CDH12: variants seen among roughly 807,000 people sequenced by gnomAD.
CDH12 encodes the protein cadherin 12.
CDH12 carries 41 observed loss-of-function variants against 74.1 expected under a neutral mutation model. That is an observed-to-expected ratio of 0.55 (90% CI 0.43 to 0.72). The LOEUF is 0.72. Among genes scored for constraint, CDH12 ranks in the 30% least tolerant of loss-of-function variants. The pLI is 0.00. For synonymous variants in CDH12, 399 were observed against 355.0 expected, an observed-to-expected ratio of 1.12 and a Z score of -1.39; for missense variants, 945 against 977.2, an observed-to-expected ratio of 0.97 and a Z score of 0.44.
intron 8 of CDH12, among the ~76,000 whole-genome samples, chr5:21,835,803 A>G (rs1749498143): frequency 6.6e-6 from 1 of 151,874 alleles, no homozygotes; most frequent in East Asian, 1.9e-4. Flanking sequence ...TGCCAAAAAC[A>G]TTAATGACAG....
At position 21,975,285 on chromosome 5, in the gene CDH12, A is replaced by G; in HGVS notation, c.332T>C (p.Ile111Thr). Residue 111 changes from isoleucine (I) to threonine (T), a missense_variant, in exon 6 of 15, where the codon ATT (isoleucine) becomes ACT (threonine). Coordinates refer to ENST00000382254, the MANE Select transcript of CDH12 (RefSeq NM_004061.5). Reference protein sequence around the residue: ...VFTIDETTGDIHAIRSLDREE... With the variant: ...VFTIDETTGDTHAIRSLDREE... ...TCTATCTAGGCTCCTTATTGCATGA[A>G]TGTCCCCTGTGGTTTCATCAATGGT... 1 of 1,597,272 alleles carries G rather than the reference A, an allele frequency of 6.3e-7. No individual in the cohort carries two copies. The highest frequency in any genetic ancestry group is 8.5e-7 in the Non-Finnish European group (1 of 1,179,592).
intron 1 of CDH12, among the ~76,000 whole-genome samples, chr5:22,847,626 T>C (rs1223704357): frequency 6.6e-6 from 1 of 152,194 alleles, no homozygotes; most frequent in Non-Finnish European, 1.5e-5. Flanking sequence ...TTATTTTTGA[T>C]CGTTTAATTA....
chr5:22,458,379 C>G (rs1313166507), intron 2 of CDH12, among the ~76,000 whole-genome samples: 1 of 152,154 alleles, frequency 6.6e-6, no homozygotes, highest in African/African-American at 2.4e-5. Context: ...TAACTTGATT[C>G]CATCTGCAAA....
chr5:22,438,268 C>T (rs913564746), intron 2 of CDH12, among the ~76,000 whole-genome samples: 2 of 151,936 alleles, frequency 1.3e-5, no homozygotes, highest in African/African-American at 4.8e-5. Flanking sequence ...CAAATTATAG[C>T]ATTTTGGCAT....
At chr5:22,307,137 G>A (rs1175734013) in intron 3 of CDH12, among the ~76,000 whole-genome samples, 1 of 152,084 alleles carries the variant, frequency 6.6e-6, no homozygotes, top group Admixed American at 6.6e-5. Flanking sequence ...CACCTCAGAT[G>A]ACTTTAATGA....
At chr5:21,817,523 TA>T (rs113668562) in intron 8 of CDH12, among the ~76,000 whole-genome samples, 1 of 148,642 alleles carries the variant, frequency 6.7e-6, no homozygotes. Context: ...GATACATAGA[TA>T]GATGATAGAT....
At chr5:22,138,270 A>T (rs1191927053) in intron 4 of CDH12, among the ~76,000 whole-genome samples, 1 of 151,930 alleles carries the variant, frequency 6.6e-6, no homozygotes, top group East Asian at 1.9e-4. Flanking sequence ...AGGTTCTGAA[A>T]GTTGTTCATC....
At chr5:21,842,920 C>T (rs1749952396) in intron 7 of CDH12, among the ~76,000 whole-genome samples, 1 of 152,118 alleles carries the variant, frequency 6.6e-6, no homozygotes, top group Non-Finnish European at 1.5e-5. Flanking sequence ...TTACAAGGAA[C>T]ACAATGAGTG....
chr5:22,045,475 T>G (rs1371955921), intron 5 of CDH12, among the ~76,000 whole-genome samples: 2 of 152,122 alleles, frequency 1.3e-5, no homozygotes, highest in Admixed American at 6.6e-5. Context: ...GTTGAAGAAA[T>G]ATTTGCACTC....
chr5:22,490,698 T>C (rs927058905), intron 2 of CDH12, among the ~76,000 whole-genome samples: 2 of 152,204 alleles, frequency 1.3e-5, no homozygotes, highest in African/African-American at 2.4e-5. Flanking sequence ...CTACTAAATA[T>C]ACACATTTTA....
intron 1 of CDH12, among the ~76,000 whole-genome samples, chr5:22,548,990 A>C (rs1738448695): frequency 6.6e-6 from 1 of 151,914 alleles, no homozygotes; most frequent in Non-Finnish European, 1.5e-5. Flanking sequence ...TTTAGGCTGG[A>C]GTGCAGTTGC....
intron 1 of CDH12, among the ~76,000 whole-genome samples, chr5:22,680,668 T>C (rs949591537): frequency 6.6e-6 from 1 of 152,072 alleles, no homozygotes; most frequent in East Asian, 1.9e-4. Context: ...TGGATGACTA[T>C]GTTGATTGCT....
rs953201273 is a variant in CDH12 at position 22,208,073 on chromosome 5, C to G, written c.-187+4425G>C. 4.1e-4 allele frequency among the ~76,000 whole-genome samples: 63 copies of G among 152,260 alleles called. 1 individual carries two copies. The highest frequency in any genetic ancestry group is 1.4e-3 in the African/African-American group (59 of 41,544). On this transcript the variant is annotated intron_variant, in intron 4 of 14. Coordinates refer to ENST00000382254, the MANE Select transcript of CDH12 (RefSeq NM_004061.5). ...GACACCTTAACTGACTTGTCCAAGG[C>G]CACAGAGCTAGAAAATGCCCTCAGC... is the stretch of plus-strand genomic sequence containing the variant.
intron 10 of CDH12, among the ~76,000 whole-genome samples, chr5:21,796,104 A>T (rs1049340290): frequency 2.0e-5 from 3 of 152,074 alleles, no homozygotes; most frequent in African/African-American, 7.2e-5. Flanking sequence ...TGTTAGAAAG[A>T]TCATTAAACA....
At chr5:22,529,937 G>C (rs1436483343) in intron 1 of CDH12, among the ~76,000 whole-genome samples, 2 of 151,874 alleles carry the variant, frequency 1.3e-5, no homozygotes, top group African/African-American at 2.4e-5. Context: ...AGTTCTTCTG[G>C]GCAACAGTAC....
intron 3 of CDH12, among the ~76,000 whole-genome samples, chr5:22,312,216 T>C (rs1738424358): frequency 6.6e-6 from 1 of 152,030 alleles, no homozygotes; most frequent in African/African-American, 2.4e-5. Flanking sequence ...TCAGTAGATA[T>C]GTTATAAAAT....
chr5:22,151,373 A>G (rs1747572110), intron 4 of CDH12, among the ~76,000 whole-genome samples: 1 of 152,218 alleles, frequency 6.6e-6, no homozygotes, highest in Non-Finnish European at 1.5e-5. Context: ...TTTGGGAAAT[A>G]CCAGCTTAGA....
chr5:22,570,822 C>T (rs2126765521), intron 1 of CDH12, among the ~76,000 whole-genome samples: 1 of 110,842 alleles, frequency 9.0e-6, no homozygotes, highest in Non-Finnish European at 2.1e-5. Context: ...TAGGTGACAT[C>T]TTCTTCCTTT....
intron 1 of CDH12, among the ~76,000 whole-genome samples, chr5:22,724,520 A>G (rs1372195301): frequency 1.3e-5 from 2 of 152,118 alleles, no homozygotes; most frequent in African/African-American, 4.8e-5. Context: ...CACTTAGAAT[A>G]ATCACCTCCA....
Sources: allele counts gnomAD v4.1 joint callset (sites outside exome capture counted in the v4.1 genomes callset), GRCh38; gene constraint gnomAD v4.1.1; transcripts MANE v1.5; gene names NCBI Gene and HGNC (gene_info 2026-07-23, HGNC 2026-07-21).